RBFOX3: variants seen among roughly 807,000 people sequenced by gnomAD.
The protein encoded by RBFOX3 is RNA binding fox-1 homolog 3.
Under a neutral mutation model 48.7 loss-of-function variants are expected in RBFOX3, and 17 were observed. That is an observed-to-expected ratio of 0.35 (90% CI 0.24 to 0.52). RBFOX3 has a LOEUF of 0.52. RBFOX3 is among the 20% of genes least tolerant of loss of function. The pLI, the probability that RBFOX3 is intolerant of heterozygous loss-of-function variation, is 0.94. For synonymous variants in RBFOX3, 212 were observed against 209.5 expected, an observed-to-expected ratio of 1.01 and a Z score of -0.10; for missense variants, 382 against 497.5, an observed-to-expected ratio of 0.77 and a Z score of 2.21.
At chr17:79,424,366 C>CT (rs1555724468) in intron 2 of RBFOX3, among the ~76,000 whole-genome samples, 1 of 152,186 alleles carries the variant, frequency 6.6e-6, no homozygotes, top group Non-Finnish European at 1.5e-5. Context: ...GAAGCCCCTG[C>CT]CCCCAGAAGT....
At chr17:79,465,725 C>T (rs2076223666) in intron 2 of RBFOX3, among the ~76,000 whole-genome samples, 1 of 152,250 alleles carries the variant, frequency 6.6e-6, no homozygotes, top group South Asian at 2.1e-4. Context: ...CCTGGACCCA[C>T]AGCAAGCAGT....
At chr17:79,616,473 T>C in the RBFOX3 span, among the ~76,000 whole-genome samples, 7,836 of 151,154 alleles carry the variant, frequency 0.052, 680 homozygotes, top group African/African-American at 0.18. Context: ...GAGGTGGAGA[T>C]TGCAGTGAGC....
intron 4 of RBFOX3, among the ~76,000 whole-genome samples, chr17:79,117,074 G>A (rs1171510341): frequency 6.6e-6 from 1 of 152,122 alleles, no homozygotes; most frequent in African/African-American, 2.4e-5. Context: ...AGGCGGAGGC[G>A]GCAGAGGGAA....
chr17:79,569,244 A>T (rs1185996878), intron 1 of RBFOX3, among the ~76,000 whole-genome samples: 2 of 150,120 alleles, frequency 1.3e-5, no homozygotes, highest in East Asian at 2.0e-4. Flanking sequence ...ATAGCTCCCC[A>T]CTCCCCCCAA....
intron 1 of RBFOX3, among the ~76,000 whole-genome samples, chr17:79,521,655 T>C (rs1398316370): frequency 1.3e-5 from 2 of 151,338 alleles, no homozygotes; most frequent in Admixed American, 6.6e-5. Context: ...ACAGATACAT[T>C]CATGCATAGA....
chr17:79,629,581 C>G, the RBFOX3 span, among the ~76,000 whole-genome samples: 4 of 152,184 alleles, frequency 2.6e-5, no homozygotes, highest in Non-Finnish European at 5.9e-5. Flanking sequence ...GGCAGATTGG[C>G]ACTCGGATCA....
At position 79,375,912 on chromosome 17, in the gene RBFOX3, G is replaced by C. The variant is rs143122009; in HGVS notation, c.-174-68088C>G. 3.6e-3 allele frequency among the ~76,000 whole-genome samples: 543 copies of C among 152,356 alleles called. 4 individuals are homozygous for C. The highest frequency in any genetic ancestry group is 0.013 in the African/African-American group (535 of 41,586). ...AGTTATTTAGCTTCTTTGTGCTTCA[G>C]TTTCCTTGGCTGTAAAACGGGGAGT... On this transcript the variant is annotated intron_variant, in intron 2 of 14. Coordinates refer to ENST00000693108, the MANE Select transcript of RBFOX3 (RefSeq NM_001350451.2).
intron 2 of RBFOX3, among the ~76,000 whole-genome samples, chr17:79,329,807 C>T (rs372039097): frequency 1.8e-4 from 28 of 152,316 alleles, no homozygotes; most frequent in African/African-American, 2.4e-4. Context: ...TCCTCTTCAC[C>T]GGGCTTCTCT....
At chr17:79,424,053 C>G (rs2066924340) in intron 2 of RBFOX3, 1 of 152,386 alleles carries the variant, frequency 6.6e-6, no homozygotes, top group Non-Finnish European at 1.5e-5. Context: ...TGGGCGCCCT[C>G]TAGGCACCCT....
At chr17:79,354,252 C>A (rs1335891131) in intron 2 of RBFOX3, among the ~76,000 whole-genome samples, 2 of 152,172 alleles carry the variant, frequency 1.3e-5, no homozygotes, top group Admixed American at 1.3e-4. Flanking sequence ...AAGACGCAGG[C>A]CCACCATTCT....
At chr17:79,175,785 G>C (rs965194274) in intron 4 of RBFOX3, among the ~76,000 whole-genome samples, 3 of 152,246 alleles carry the variant, frequency 2.0e-5, no homozygotes, top group Admixed American at 1.3e-4. Flanking sequence ...GTGGTGGGCA[G>C]CAGGTCCGAG....
chr17:79,290,579 G>A (rs2073057795), intron 3 of RBFOX3, among the ~76,000 whole-genome samples: 1 of 152,162 alleles, frequency 6.6e-6, no homozygotes, highest in Non-Finnish European at 1.5e-5. Context: ...AGGGCTCTGA[G>A]AGCTAGCAGT....
intron 2 of RBFOX3, among the ~76,000 whole-genome samples, chr17:79,475,988 G>A (rs762598333): frequency 5.3e-5 from 8 of 152,194 alleles, no homozygotes; most frequent in Admixed American, 4.6e-4. Flanking sequence ...TGGCAGTCAC[G>A]GGACACCGAC....
At chr17:79,629,979 G>A in the RBFOX3 span, among the ~76,000 whole-genome samples, 4 of 152,104 alleles carry the variant, frequency 2.6e-5, no homozygotes, top group South Asian at 2.1e-4. Flanking sequence ...AGTGGACGAC[G>A]GGCTATTTTG....
chr17:79,384,475 C>T (rs921359961), intron 2 of RBFOX3, among the ~76,000 whole-genome samples: 4 of 152,168 alleles, frequency 2.6e-5, no homozygotes, highest in African/African-American at 9.7e-5. Flanking sequence ...GGGGTTTAAG[C>T]AGGCTGGACT....
intron 2 of RBFOX3, among the ~76,000 whole-genome samples, chr17:79,323,420 A>T (rs1282692860): frequency 2.0e-5 from 3 of 152,192 alleles, no homozygotes; most frequent in African/African-American, 7.2e-5. Context: ...GTTTTCCTGG[A>T]GATGGAGACA....
At chr17:79,152,926 G>C (rs945776182) in intron 4 of RBFOX3, among the ~76,000 whole-genome samples, 1 of 152,198 alleles carries the variant, frequency 6.6e-6, no homozygotes, top group African/African-American at 2.4e-5. Context: ...CTGTGCTGGG[G>C]GTGTTTCCAG....
At position 79,477,321 on chromosome 17, in the gene RBFOX3, C is replaced by T. The variant is rs1326566510; in HGVS notation, c.-175+5133G>A. On this transcript the variant is annotated intron_variant, in intron 2 of 14. Coordinates refer to ENST00000693108, the MANE Select transcript of RBFOX3 (RefSeq NM_001350451.2). This position sits in a 1 kb window ranked among gnomAD's most constrained non-coding sequence, Gnocchi z 4.8. ...CCTGTAATCCCAGCACTTTGGGAGG[C>T]CAAGGCAGGTGGATCACGAGGTCAG... Among the ~76,000 whole-genome samples, 9 of 149,332 alleles carry T rather than the reference C, an allele frequency of 6.0e-5. No individual in the cohort carries two copies. In the East Asian group the frequency reaches 1.6e-3, roughly 26 times the overall value.
rs534902925 is a variant in RBFOX3, at chr17:79,549,018, G to A, written c.-320+61808C>T. Among the ~76,000 whole-genome samples the A allele has an allele frequency of 1.2e-4, 19 of 152,326 alleles. No individual in the cohort carries two copies. The South Asian group carries it at 2.7e-3, about 22-fold the overall frequency. On this transcript the variant is annotated intron_variant, in intron 1 of 14. Transcript: ENST00000693108. ...CAGGCTGTGAGGTGGTGGAATTGTG[G>A]TCACTAGTTTGCAGATGAAGAAACT...
Sources: gnomAD v4.1 joint callset for allele counts (sites outside exome capture counted in the v4.1 genomes callset) on GRCh38, gnomAD v4.1.1 for gene constraint, Gnocchi (gnomAD v3.1) non-coding constraint, MANE v1.5 for transcripts, NCBI Gene and HGNC (gene_info 2026-07-23, HGNC 2026-07-21) for gene names.